Variants in CHCHD6 observed in about 807,000 individuals in gnomAD.
CHCHD6 encodes the protein coiled-coil-helix-coiled-coil-helix domain containing 6.
A neutral mutation model predicts 32.3 loss-of-function variants in CHCHD6; 28 were observed. The ratio of observed to expected loss-of-function variants is 0.87; its 90% CI spans 0.64 to 1.19. CHCHD6 has a LOEUF of 1.19. Among genes scored for constraint, CHCHD6 ranks in the 50% most tolerant of loss-of-function variants. CHCHD6 has a pLI of 0.00. For synonymous variants in CHCHD6, 122 were observed against 117.5 expected (o/e 1.04, Z -0.25); for missense variants, 333 against 307.0 (o/e 1.08, Z -0.63).
rs1483288629 is a variant in CHCHD6 at position 126,960,403 on chromosome 3, T to C, written c.*202T>C. 4 of 618,194 alleles carry C rather than the reference T, an allele frequency of 6.5e-6. No homozygotes were observed. Among genetic ancestry groups the C allele is most frequent in the Non-Finnish European group, 1.1e-5 (4 of 349,362 alleles). The allele number at this position is 618,194 out of a possible 1,614,324, so 38.3% of individuals were successfully genotyped here. A position where few individuals can be genotyped will look rare whatever the true frequency, so the allele number is the denominator to read the frequency against. On this transcript the variant is annotated 3_prime_UTR_variant, in exon 8 of 8. Coordinates refer to ENST00000290913, the MANE Select transcript of CHCHD6 (RefSeq NM_032343.3). ...AAGCAGATGCCTTTGTTTTCAGTCG[T>C]TGACTCACTGGCAAACAGTCACTGC...
intron 5 of CHCHD6, among the ~76,000 whole-genome samples, chr3:126,868,446 T>A (rs563360846): frequency 0.017 from 2,498 of 151,026 alleles, 60 homozygotes; most frequent in African/African-American, 0.056. Flanking sequence ...GCTTTTTTTT[T>A]TAAAAAAAAA....
chr3:126,749,242 A>G (rs954224546), intron 4 of CHCHD6, among the ~76,000 whole-genome samples: 5 of 152,202 alleles, frequency 3.3e-5, no homozygotes, highest in Admixed American at 6.5e-5. Flanking sequence ...TCTGGGGAAG[A>G]TGGCAGAGTG....
intron 4 of CHCHD6, among the ~76,000 whole-genome samples, chr3:126,744,935 G>C (rs1383613064): frequency 6.6e-6 from 1 of 152,228 alleles, no homozygotes; most frequent in East Asian, 1.9e-4. Context: ...GCAGTCCTCA[G>C]TGCAGCTCTC....
At chr3:126,869,288 CTTTTTT>C (rs58408227) in intron 5 of CHCHD6, among the ~76,000 whole-genome samples, 1 of 108,702 alleles carries the variant, frequency 9.2e-6, no homozygotes, top group Non-Finnish European at 1.9e-5. Flanking sequence ...CACCAGTCTC[CTTTTTT>C]TTTTTTTTTT....
intron 4 of CHCHD6, among the ~76,000 whole-genome samples, chr3:126,846,819 C>T (rs543906651): frequency 6.6e-5 from 10 of 152,220 alleles, no homozygotes; most frequent in East Asian, 1.9e-4. Context: ...TATTTTCGCA[C>T]GTACACGTGT....
chr3:126,745,104 C>T (rs1426216670), intron 4 of CHCHD6, among the ~76,000 whole-genome samples: 2 of 152,128 alleles, frequency 1.3e-5, no homozygotes, highest in Non-Finnish European at 2.9e-5. Flanking sequence ...AGAACTGTGT[C>T]GCAGGGCCAC....
At chr3:126,737,190 C>T (rs1936080326) in intron 4 of CHCHD6, among the ~76,000 whole-genome samples, 1 of 151,932 alleles carries the variant, frequency 6.6e-6, no homozygotes, top group South Asian at 2.1e-4. Flanking sequence ...CGTGGTGGTG[C>T]ATGCCTGGAA....
intron 5 of CHCHD6, among the ~76,000 whole-genome samples, chr3:126,904,146 C>T (rs533578365): frequency 6.6e-6 from 1 of 152,198 alleles, no homozygotes; most frequent in African/African-American, 2.4e-5. Context: ...AAACACAAAC[C>T]CTTCCCTCAT....
At chr3:126,909,104 A>T (rs1382375318) in intron 5 of CHCHD6, among the ~76,000 whole-genome samples, 1 of 152,234 alleles carries the variant, frequency 6.6e-6, no homozygotes, top group Non-Finnish European at 1.5e-5. Context: ...CGTGGCGCCC[A>T]GCACAGCCTG....
chr3:126,704,486 T>G, intron 1 of CHCHD6, 87 bp downstream of exon 1: 1 of 834,820 alleles, frequency 1.2e-6, no homozygotes, highest in Non-Finnish European at 1.7e-6. Context: ...CCGGGGCTCT[T>G]TCCACGCGTG....
chr3:126,922,242 C>T (rs936350825), intron 6 of CHCHD6, among the ~76,000 whole-genome samples: 1 of 152,180 alleles, frequency 6.6e-6, no homozygotes, highest in African/African-American at 2.4e-5. Flanking sequence ...ACCCTGTTTC[C>T]CATCTTCACA....
At chr3:126,717,252 A>G (rs1935064156) in intron 1 of CHCHD6, among the ~76,000 whole-genome samples, 1 of 152,190 alleles carries the variant, frequency 6.6e-6, no homozygotes, top group Admixed American at 6.5e-5. Flanking sequence ...GTTAATCAGT[A>G]GGTAGGTAGC....
chr3:126,800,072 A>G (rs984942967), intron 4 of CHCHD6, among the ~76,000 whole-genome samples: 7 of 152,202 alleles, frequency 4.6e-5, no homozygotes, highest in African/African-American at 1.7e-4. Context: ...CCAAATATAC[A>G]TCTACATCTT....
chr3:126,938,197 C>T (rs1035191531), intron 6 of CHCHD6, among the ~76,000 whole-genome samples: 1 of 152,140 alleles, frequency 6.6e-6, no homozygotes, highest in Non-Finnish European at 1.5e-5. Flanking sequence ...GACTGTTGGC[C>T]TGGGGACAAG....
intron 6 of CHCHD6, among the ~76,000 whole-genome samples, chr3:126,915,737 A>G (rs1048132152): frequency 6.6e-6 from 1 of 152,236 alleles, no homozygotes; most frequent in African/African-American, 2.4e-5. Flanking sequence ...GGGACAGACA[A>G]ACAGTCAGCA....
At chr3:126,861,177 T>A (rs1239879947) in intron 5 of CHCHD6, among the ~76,000 whole-genome samples, 1 of 151,978 alleles carries the variant, frequency 6.6e-6, no homozygotes, top group Non-Finnish European at 1.5e-5. Flanking sequence ...TTCCTGGAGG[T>A]CACACACCTA....
chr3:126,909,703 C>T (rs1054477985), intron 5 of CHCHD6, among the ~76,000 whole-genome samples: 5 of 152,166 alleles, frequency 3.3e-5, no homozygotes, highest in Non-Finnish European at 7.3e-5. Context: ...GAGGAAAAGA[C>T]TGCAAATTTG....
intron 5 of CHCHD6, among the ~76,000 whole-genome samples, chr3:126,887,091 T>C: frequency 6.6e-6 from 1 of 152,218 alleles, no homozygotes; most frequent in African/African-American, 2.4e-5. Context: ...CTGTGCTGTG[T>C]GTTTGAGCTT....
chr3:126,769,956 T>C (rs761216111), intron 4 of CHCHD6, among the ~76,000 whole-genome samples: 1 of 152,262 alleles, frequency 6.6e-6, no homozygotes, highest in Non-Finnish European at 1.5e-5. Flanking sequence ...TAGTTTTTTG[T>C]ATCCGTGAGC....
Sources: gnomAD v4.1 joint callset for allele counts (sites outside exome capture counted in the v4.1 genomes callset) on GRCh38, gnomAD v4.1.1 for gene constraint, MANE v1.5 for transcripts, NCBI Gene and HGNC (gene_info 2026-07-23, HGNC 2026-07-21) for gene names.